Variants in XPO5 observed in about 807,000 individuals in gnomAD.
The protein encoded by XPO5 is exportin 5.
XPO5 carries 46 observed loss-of-function variants against 160.6 expected under a neutral mutation model. The ratio of observed to expected loss-of-function variants is 0.29; its 90% confidence interval spans 0.23 to 0.37. The LOEUF (loss-of-function observed/expected upper bound fraction) is 0.37, where lower values mean the gene tolerates loss of function less well. XPO5 is among the 10% of genes least tolerant of loss of function. XPO5 has a pLI of 1.00. For missense variants in XPO5, 1,090 were observed against 1,463.9 expected (o/e 0.74, Z 4.17); for synonymous variants, 537 against 519.3 (o/e 1.03, Z -0.46).
chr6:43,547,258 A>C (rs1028482864), intron 19 of XPO5: 3 of 380,542 alleles, frequency 7.9e-6, no homozygotes, highest in Non-Finnish European at 1.5e-5. Context: ...TCAGGTTTGC[A>C]AGTTAAGCCA....
At chr6:43,526,497 A>G in intron 27 of XPO5, 188 bp downstream of exon 27, 1 of 622,088 alleles carries the variant, frequency 1.6e-6, no homozygotes, top group Non-Finnish European at 2.9e-6. Flanking sequence ...AGACAGAGGA[A>G]ACAGCAAGTG....
intron 6 of XPO5, among the ~76,000 whole-genome samples, chr6:43,568,255 C>T (rs763246525): frequency 9.9e-5 from 15 of 151,938 alleles, no homozygotes; most frequent in African/African-American, 1.7e-4. Flanking sequence ...TGCAGTGAGC[C>T]GAGATCGCGC....
At position 43,524,025 on chromosome 6, in the gene XPO5, A is replaced by G. The variant is rs758570217; in HGVS notation, c.3478-20T>C. 1.3e-5 allele frequency: 21 copies of G among 1,608,738 alleles called. No homozygotes were observed. In the South Asian group the frequency reaches 2.2e-4, roughly 17 times the overall value. On this transcript the variant is annotated intron_variant, in intron 31 of 31. Transcript: ENST00000265351. The stretch of plus-strand genomic sequence containing the variant: ...GGGTTTCTGTGGAAAACAAATGAGA[A>G]AGAATTAATGCTGGGCCCTCAGTAG...
In XPO5 at chr6:43,522,515, T is replaced by C. The variant is rs535450639; in HGVS notation, c.*1353A>G. 2.5e-3 allele frequency: 564 copies of C among 223,654 alleles called. 1 individual carries two copies. Among genetic ancestry groups the C allele is most frequent in the South Asian group, 9.2e-3 (201 of 21,744 alleles). The allele number at this position is 223,654 out of a possible 1,614,324, so 13.9% of individuals were successfully genotyped here. ...CCCCAACCAGACAGGAATAGGCAGC[T>C]ATCAGGTTTGGAGGGAAACACTCTT... On this transcript the variant is annotated 3_prime_UTR_variant, in exon 32 of 32. Transcript: ENST00000265351.
At chr6:43,539,332 G>T (rs909226496) in intron 20 of XPO5, 1 of 1,578,816 alleles carries the variant, frequency 6.3e-7, no homozygotes, top group African/African-American at 1.3e-5. Flanking sequence ...CAAACGCCTT[G>T]AACCTGGTGC....
At chr6:43,545,063 G>C (rs1302952948) in intron 20 of XPO5, among the ~76,000 whole-genome samples, 1 of 151,940 alleles carries the variant, frequency 6.6e-6, no homozygotes, top group Non-Finnish European at 1.5e-5. Flanking sequence ...AGTAGAGACA[G>C]GGTTTCATCA....
chr6:43,560,303 ACT>A lies in XPO5; in HGVS notation c.1096-2_1096-1del. The A allele has an allele frequency of 6.3e-7, 1 of 1,597,648 alleles. No individual in the cohort carries two copies. The highest frequency in any genetic ancestry group is 1.8e-5 in the Admixed American group (1 of 55,970). ...GTCATCTGAGTTGAAGAGCGTAGAA[ACT>A]AAAGAGAAAAAAAAAAGAAAACGTC... On this transcript the variant is annotated splice_acceptor_variant, in intron 10 of 31. Coordinates refer to ENST00000265351, the MANE Select transcript of XPO5 (RefSeq NM_020750.3). LOFTEE classifies it high-confidence loss of function.
At chr6:43,546,544 CAG>C (rs1483420317) in intron 20 of XPO5, 25 bp downstream of exon 20, 46 of 1,578,020 alleles carry the variant, frequency 2.9e-5, no homozygotes, top group Non-Finnish European at 3.9e-5. Flanking sequence ...TAGAAAACAA[CAG>C]AGAAAAGCCA....
chr6:43,529,067 T>C, intron 23 of XPO5, 142 bp from the exon 24 acceptor site: 1 of 1,105,774 alleles, frequency 9.0e-7, no homozygotes. Flanking sequence ...TGAAAAAATC[T>C]TAAAGTTCTT....
chr6:43,551,777 G>A (rs1430202517), intron 14 of XPO5, among the ~76,000 whole-genome samples: 3 of 151,680 alleles, frequency 2.0e-5, no homozygotes, highest in African/African-American at 4.8e-5. Flanking sequence ...GTGATCCTAC[G>A]GCCTCAGCCT....
At position 43,558,730 on chromosome 6, in the gene XPO5, T is replaced by C. The variant is rs1307528929; in HGVS notation, c.1222-139A>G. 26 of 614,850 alleles carry C rather than the reference T, an allele frequency of 4.2e-5. No individual in the cohort carries two copies. In the Admixed American group the frequency reaches 9.4e-4, roughly 22 times the overall value. 38.1% of individuals were successfully genotyped at this position (614,850 alleles called of 1,614,324 possible). A position where few individuals can be genotyped will look rare whatever the true frequency, so the allele number is the denominator to read the frequency against. On this transcript the variant is annotated intron_variant, in intron 11 of 31. Transcript: ENST00000265351. The stretch of plus-strand genomic sequence containing the variant: ...AGATATTGTATGGTAAATATCCACT[T>C]CAGTTCTATCACAGGTCCACAGTTT...
chr6:43,561,685 A>T (rs115753497), intron 9 of XPO5: 2,657 of 153,128 alleles, frequency 0.017, 94 homozygotes, highest in African/African-American at 0.06. Flanking sequence ...GGCCCCCTCA[A>T]TGGTTGCTTA....
At chr6:43,557,101 C>T (rs1762129856) in intron 12 of XPO5, among the ~76,000 whole-genome samples, 1 of 136,020 alleles carries the variant, frequency 7.4e-6, no homozygotes, top group African/African-American at 2.9e-5. Context: ...GCACTCCAGC[C>T]TGGGCGACAG....
At chr6:43,560,874 CA>C (rs773977436) in intron 10 of XPO5, 49 bp downstream of exon 10, 1 of 1,410,646 alleles carries the variant, frequency 7.1e-7, no homozygotes, top group African/African-American at 1.4e-5. Flanking sequence ...CAGTGCTTGA[CA>C]TTGGTTCACC....
intron 13 of XPO5, 31 bp from the exon 14 acceptor site, chr6:43,553,534 C>T (rs1375576775): frequency 6.5e-7 from 1 of 1,529,584 alleles, no homozygotes; most frequent in Non-Finnish European, 8.8e-7. Flanking sequence ...CATACACACA[C>T]ACACACACAC....
At chr6:43,532,015 C>G (rs1381880989) in intron 21 of XPO5, among the ~76,000 whole-genome samples, 2 of 152,096 alleles carry the variant, frequency 1.3e-5, no homozygotes, top group Admixed American at 1.3e-4. Flanking sequence ...TAAGTGTAAT[C>G]AGAGGTTTTA....
chr6:43,536,739 G>A (rs376126985), intron 20 of XPO5, among the ~76,000 whole-genome samples: 4 of 108,248 alleles, frequency 3.7e-5, no homozygotes, highest in African/African-American at 1.5e-4. Context: ...CAGCCTGGAC[G>A]ACAGAGTGAG....
chr6:43,565,812 C>A, intron 7 of XPO5, 76 bp from the exon 8 acceptor site: 2 of 1,156,674 alleles, frequency 1.7e-6, no homozygotes, highest in South Asian at 1.4e-5. Context: ...AGTATATAAT[C>A]AAATATATTG....
intron 12 of XPO5, among the ~76,000 whole-genome samples, chr6:43,556,523 CAA>C (rs539768315): frequency 2.4e-3 from 176 of 71,888 alleles, no homozygotes; most frequent in African/African-American, 5.6e-3. Context: ...GACCATGTCT[CAA>C]AAAAAAAAAA....
Sources: gnomAD v4.1 joint callset for allele counts (sites outside exome capture counted in the v4.1 genomes callset) on GRCh38, gnomAD v4.1.1 for gene constraint, MANE v1.5 for transcripts, NCBI Gene and HGNC (gene_info 2026-07-23, HGNC 2026-07-21) for gene names.